The following GABRB2 variants were observed in gnomAD, a reference collection of about 807,000 sequenced individuals.
GABRB2 encodes the protein gamma-aminobutyric acid type A receptor subunit beta2.
In GABRB2, 16 loss-of-function variants were observed where a neutral mutation model predicts 54.7. The ratio of observed to expected loss-of-function variants is 0.29; its 90% CI spans 0.20 to 0.44. The LOEUF (loss-of-function observed/expected upper bound fraction) is 0.44. Among genes scored for constraint, GABRB2 ranks in the 20% least tolerant of loss-of-function variants. The probability of loss-of-function intolerance (pLI) is 1.00; values close to 1 mark genes in which losing one functional copy is unlikely to be tolerated. For synonymous variants in GABRB2, 244 were observed against 233.8 expected (o/e 1.04, Z -0.40); for missense variants, 355 against 644.0 (o/e 0.55, Z 4.86).
At chr5:161,479,333 A>G (rs1758686935) in intron 3 of GABRB2, among the ~76,000 whole-genome samples, 1 of 152,102 alleles carries the variant, frequency 6.6e-6, no homozygotes, top group East Asian at 1.9e-4. Flanking sequence ...TGACCTCCCA[A>G]CCACCACACA....
intron 3 of GABRB2, among the ~76,000 whole-genome samples, chr5:161,502,057 G>T (rs1759460991): frequency 6.8e-6 from 1 of 148,056 alleles, no homozygotes; most frequent in African/African-American, 2.5e-5. Flanking sequence ...ATATATTTAA[G>T]GTAAAAATGT....
intron 3 of GABRB2, among the ~76,000 whole-genome samples, chr5:161,539,967 G>A (rs762545288): frequency 6.6e-6 from 1 of 152,216 alleles, no homozygotes; most frequent in Non-Finnish European, 1.5e-5. Flanking sequence ...CTGATAGAAT[G>A]TCTTGGCTCC....
At chr5:161,346,842 T>C (rs1055519478) in intron 5 of GABRB2, among the ~76,000 whole-genome samples, 1 of 152,150 alleles carries the variant, frequency 6.6e-6, no homozygotes, top group Non-Finnish European at 1.5e-5. Flanking sequence ...TACTCAACTA[T>C]GAGTTTTTAT....
At chr5:161,482,279 G>T (rs1212240283) in intron 3 of GABRB2, among the ~76,000 whole-genome samples, 2 of 152,022 alleles carry the variant, frequency 1.3e-5, no homozygotes, top group Non-Finnish European at 2.9e-5. Context: ...ACCTACAAAA[G>T]GAGTCTGCTA....
chr5:161,300,285 T>C (rs2113344438), intron 9 of GABRB2, among the ~76,000 whole-genome samples: 1 of 152,348 alleles, frequency 6.6e-6, no homozygotes, highest in African/African-American at 2.4e-5. Context: ...TTAAATTCAA[T>C]AGCAATTATC....
intron 5 of GABRB2, among the ~76,000 whole-genome samples, chr5:161,402,792 T>A (rs959981457): frequency 6.6e-6 from 1 of 152,158 alleles, no homozygotes; most frequent in Non-Finnish European, 1.5e-5. Context: ...CCCAGCAATG[T>A]GGGTTTTAAT....
chr5:161,323,161 A>G (rs1758262682), intron 9 of GABRB2, among the ~76,000 whole-genome samples: 1 of 151,692 alleles, frequency 6.6e-6, no homozygotes, highest in Non-Finnish European at 1.5e-5. Flanking sequence ...AGCTGGGATT[A>G]CAGGCGCCCG....
chr5:161,530,484 C>T (rs764164285), intron 3 of GABRB2, among the ~76,000 whole-genome samples: 25 of 151,910 alleles, frequency 1.6e-4, no homozygotes, highest in East Asian at 5.8e-4. Flanking sequence ...GATATTAAAA[C>T]GATAGTTGAT....
intron 9 of GABRB2, among the ~76,000 whole-genome samples, chr5:161,324,962 C>A (rs1758321307): frequency 6.6e-6 from 1 of 152,074 alleles, no homozygotes; most frequent in Admixed American, 6.5e-5. Context: ...CAACTGCACA[C>A]TTTAATGCAC....
In GABRB2 at chr5:161,289,232, CTTTTTT is replaced by C. The variant is rs56372028; in HGVS notation, c.*4843_*4848del. The stretch of plus-strand genomic sequence containing the variant: ...ACCTAGTAGCTTTTTAAGAGTGCTG[CTTTTTT>C]TTTTTTTTTTTGTACAGATTTCTTT... On this transcript the variant is annotated 3_prime_UTR_variant, in exon 10 of 10. Transcript: ENST00000393959. 2.2e-5 allele frequency: 2 copies of C among 90,494 alleles called. No individual in the cohort carries two copies. The highest frequency in any genetic ancestry group is 3.2e-4 in the East Asian group (1 of 3,152). The allele number at this position is 90,494 out of a possible 1,614,324, so 5.6% of individuals were successfully genotyped here.
chr5:161,306,127 G>T (rs575302689), intron 9 of GABRB2, among the ~76,000 whole-genome samples: 287 of 152,300 alleles, frequency 1.9e-3, no homozygotes, highest in Non-Finnish European at 3.2e-3. Flanking sequence ...TGAAACTGAC[G>T]TCAATCTTGT....
chr5:161,530,861 C>A (rs1760437165), intron 3 of GABRB2, among the ~76,000 whole-genome samples: 1 of 152,078 alleles, frequency 6.6e-6, no homozygotes, highest in Non-Finnish European at 1.5e-5. Flanking sequence ...AAGGCATACA[C>A]CAGATGCAAA....
In GABRB2 at chr5:161,293,730, G is replaced by T. The variant is rs1336104616; in HGVS notation, c.*351C>A. 1 of 226,210 alleles carries T rather than the reference G, an allele frequency of 4.4e-6. No homozygotes were observed. The highest frequency in any genetic ancestry group is 5.1e-5 in the Admixed American group (1 of 19,466). 14.0% of individuals were successfully genotyped at this position (226,210 alleles called of 1,614,324 possible). ...TTAAAAAGGAAGATGAGGAGTATCT[G>T]GTTATGACCAAATGACTGACAATGC... is the stretch of plus-strand genomic sequence containing the variant. On this transcript the variant is annotated 3_prime_UTR_variant, in exon 10 of 10. Coordinates refer to ENST00000393959, the MANE Select transcript of GABRB2 (RefSeq NM_001371727.1).
intron 5 of GABRB2, among the ~76,000 whole-genome samples, chr5:161,341,278 CT>C (rs1425364302): frequency 6.6e-6 from 1 of 151,712 alleles, no homozygotes; most frequent in Non-Finnish European, 1.5e-5. Context: ...ACTTTTACAG[CT>C]TTCATAATAA....
At chr5:161,335,190 A>G (rs1753956737) in intron 6 of GABRB2, among the ~76,000 whole-genome samples, 1 of 152,084 alleles carries the variant, frequency 6.6e-6, no homozygotes, top group African/African-American at 2.4e-5. Flanking sequence ...TGTTAGGACA[A>G]TTTGGGACAG....
intron 5 of GABRB2, among the ~76,000 whole-genome samples, chr5:161,399,962 C>T (rs931314253): frequency 2.0e-5 from 3 of 152,012 alleles, no homozygotes; most frequent in African/African-American, 7.3e-5. Flanking sequence ...ATGGAGCTGG[C>T]GGCAGTGGAG....
rs1213783082 is a variant in GABRB2, at chr5:161,467,620, G to GT, written c.238-7777dup. 2.0e-5 allele frequency among the ~76,000 whole-genome samples: 3 copies of GT among 152,080 alleles called. No homozygotes were observed. The East Asian group carries it at 5.8e-4, about 29-fold the overall frequency. On this transcript the variant is annotated intron_variant, in intron 3 of 9. Transcript: ENST00000393959. ...GAAAAGTATTTCAGTTTTTTTGTCA[G>GT]TATTTCCACTTTTCAAAAATATGAC...
chr5:161,288,783 T>A lies in GABRB2; in HGVS notation c.*5298A>T, dbSNP rs978163019. On this transcript the variant is annotated 3_prime_UTR_variant, in exon 10 of 10. Transcript: ENST00000393959. The stretch of plus-strand genomic sequence containing the variant: ...ACTAGAATATCACTTTTTTTTTTTA[T>A]AAAAGGACAATTTAGAACTGTGCAG... The A allele has an allele frequency of 2.0e-5, 3 of 151,864 alleles. No individual in the cohort carries two copies. Among genetic ancestry groups the A allele is most frequent in the Admixed American group, 2.0e-4 (3 of 15,246 alleles). 9.4% of individuals were successfully genotyped at this position (151,864 alleles called of 1,614,324 possible).
chr5:161,546,801 T>TA (rs1761001564), upstream of GABRB2: 19 of 1,400,680 alleles, frequency 1.4e-5, no homozygotes, highest in Non-Finnish European at 1.7e-5. Flanking sequence ...ATTTCCTTGT[T>TA]TAAAAAAAAA....
Sources: gnomAD v4.1 joint callset for allele counts (sites outside exome capture counted in the v4.1 genomes callset) on GRCh38, gnomAD v4.1.1 for gene constraint, MANE v1.5 for transcripts, NCBI Gene and HGNC (gene_info 2026-07-23, HGNC 2026-07-21) for gene names.